FARS2: variants seen among roughly 807,000 people sequenced by gnomAD.
FARS2 encodes the protein phenylalanine--tRNA ligase, mitochondrial.
A neutral mutation model predicts 46.4 loss-of-function variants in FARS2; 40 were observed. The observed-to-expected ratio is 0.86, with a 90% CI of 0.67 to 1.12. FARS2 has a LOEUF of 1.12. Among genes scored for constraint, FARS2 ranks in the 50% most tolerant of loss-of-function variants. The probability of loss-of-function intolerance (pLI) is 0.00; values close to 1 mark genes in which losing one functional copy is unlikely to be tolerated. For missense variants in FARS2, 513 were observed against 567.9 expected, an observed-to-expected ratio of 0.90 and a Z score of 0.98; for synonymous variants, 234 against 214.9, an observed-to-expected ratio of 1.09 and a Z score of -0.78.
chr6:5,382,189 G>A (rs1225840375), intron 2 of FARS2, among the ~76,000 whole-genome samples: 4 of 152,222 alleles, frequency 2.6e-5, no homozygotes, highest in Admixed American at 6.5e-5. Context: ...GACAAGGAAC[G>A]ATTTCTCACC....
In FARS2 at chr6:5,281,534, T is replaced by C. The variant is rs1000855929; in HGVS notation, c.-22+19874T>C. On this transcript the variant is annotated intron_variant, in intron 1 of 6. Coordinates refer to ENST00000274680, the MANE Select transcript of FARS2 (RefSeq NM_006567.5). The stretch of plus-strand genomic sequence containing the variant: ...TTCAGTGGCATTAAGTACATTCACA[T>C]GCTTGAGGAAAACACCACCATCATC... 1.1e-4 allele frequency among the ~76,000 whole-genome samples: 16 copies of C among 152,302 alleles called. No individual in the cohort carries two copies. In the East Asian group the frequency reaches 3.1e-3, roughly 29 times the overall value.
intron 1 of FARS2, among the ~76,000 whole-genome samples, chr6:5,302,935 C>T (rs1437490503): frequency 1.3e-5 from 2 of 152,168 alleles, no homozygotes; most frequent in Non-Finnish European, 2.9e-5. Context: ...AGGGTGCCAG[C>T]TGCTGAGGAA....
intron 6 of FARS2, among the ~76,000 whole-genome samples, chr6:5,676,776 T>A (rs899006623): frequency 9.8e-5 from 15 of 152,342 alleles, no homozygotes; most frequent in African/African-American, 3.6e-4. Flanking sequence ...TGGTAGTCAA[T>A]CTCAAGTGTA....
At chr6:5,496,275 G>T (rs1767457478) in intron 4 of FARS2, among the ~76,000 whole-genome samples, 1 of 152,236 alleles carries the variant, frequency 6.6e-6, no homozygotes, top group South Asian at 2.1e-4. Context: ...TGTGTTTTTA[G>T]TTGATGACTC....
chr6:5,279,331 C>T (rs1766556213), intron 1 of FARS2, among the ~76,000 whole-genome samples: 1 of 141,024 alleles, frequency 7.1e-6, no homozygotes, highest in African/African-American at 2.7e-5. Flanking sequence ...GAGCCGATTG[C>T]ACCACTGCAC....
intron 3 of FARS2, among the ~76,000 whole-genome samples, chr6:5,405,480 CTT>C (rs398000284): frequency 0.025 from 1,450 of 58,774 alleles, 8 homozygotes; most frequent in South Asian, 0.072. Flanking sequence ...GAGCAAGGTT[CTT>C]TTTTTTTTTT....
chr6:5,462,132 T>G (rs546093142), intron 4 of FARS2, among the ~76,000 whole-genome samples: 10 of 152,368 alleles, frequency 6.6e-5, no homozygotes, highest in African/African-American at 2.4e-4. Context: ...AGTTTTACTT[T>G]ACATTTTCCT....
chr6:5,366,428 C>G (rs966515478), intron 1 of FARS2, among the ~76,000 whole-genome samples: 1 of 152,276 alleles, frequency 6.6e-6, no homozygotes, highest in Non-Finnish European at 1.5e-5. Flanking sequence ...TGGGAAGGCT[C>G]TCCTAGTCAT....
chr6:5,471,000 G>A (rs1765777679), intron 4 of FARS2, among the ~76,000 whole-genome samples: 1 of 152,106 alleles, frequency 6.6e-6, no homozygotes, highest in Non-Finnish European at 1.5e-5. Flanking sequence ...CTATTATCTG[G>A]TTCTCTTCCT....
intron 4 of FARS2, among the ~76,000 whole-genome samples, chr6:5,523,821 GTC>G (rs1205246575): frequency 6.6e-6 from 1 of 152,194 alleles, no homozygotes; most frequent in Non-Finnish European, 1.5e-5. Context: ...ATGATGGTTA[GTC>G]TCTAGGTCCC....
At chr6:5,691,017 C>G (rs1021810305) in intron 6 of FARS2, among the ~76,000 whole-genome samples, 5 of 152,216 alleles carry the variant, frequency 3.3e-5, no homozygotes, top group Admixed American at 2.6e-4. Flanking sequence ...GCATTCATCA[C>G]ATAGTTCTCG....
At chr6:5,348,147 A>C (rs900562954) in intron 1 of FARS2, among the ~76,000 whole-genome samples, 1 of 152,184 alleles carries the variant, frequency 6.6e-6, no homozygotes, top group African/African-American at 2.4e-5. Flanking sequence ...ATGTCTTTTG[A>C]GAAATGTAAG....
At chr6:5,740,176 G>A (rs987993969) in intron 6 of FARS2, among the ~76,000 whole-genome samples, 36 of 152,284 alleles carry the variant, frequency 2.4e-4, no homozygotes, top group Non-Finnish European at 1.3e-4. Flanking sequence ...GACACTGGAA[G>A]TCTAGAGTAT....
chr6:5,756,109 G>A (rs781120498), intron 6 of FARS2, among the ~76,000 whole-genome samples: 9 of 152,076 alleles, frequency 5.9e-5, no homozygotes, highest in Admixed American at 2.6e-4. Flanking sequence ...GGTTCATGTC[G>A]GCCAAAGCTT....
chr6:5,701,161 T>A (rs1232676997), intron 6 of FARS2, among the ~76,000 whole-genome samples: 1 of 152,216 alleles, frequency 6.6e-6, no homozygotes, highest in Non-Finnish European at 1.5e-5. Flanking sequence ...GCAGTCACCG[T>A]GGGCGCCAGC....
chr6:5,641,838 A>C (rs892791675), intron 6 of FARS2, among the ~76,000 whole-genome samples: 1 of 152,218 alleles, frequency 6.6e-6, no homozygotes, highest in Non-Finnish European at 1.5e-5. Context: ...TCTCAAGGCT[A>C]CTTCTTTAGA....
In FARS2 at chr6:5,545,241, C is replaced by T; in HGVS notation, c.966C>T (p.Ile322=). The T allele has an allele frequency of 1.2e-6, 2 of 1,614,044 alleles. No individual in the cohort carries two copies. The highest frequency in any genetic ancestry group is 1.7e-6 in the Non-Finnish European group (2 of 1,179,914). The change falls in exon 5 of 7, where the codon ATC becomes ATT. Residue 322 remains isoleucine (I), a synonymous_variant. Transcript: ENST00000274680. ...TAGGATTAGAAAGGCTAGCCATGAT[C>T]CTCTACGACATCCCTGATATCCGTC... ...FGLGLERLAM[I]LYDIPDIRLF...
intron 6 of FARS2, among the ~76,000 whole-genome samples, chr6:5,707,736 C>A (rs1377051773): frequency 6.6e-6 from 1 of 152,232 alleles, no homozygotes; most frequent in Non-Finnish European, 1.5e-5. Context: ...CAGTGTGGAG[C>A]AGCCACGTCC....
At chr6:5,512,071 T>C (rs1293315471) in intron 4 of FARS2, among the ~76,000 whole-genome samples, 1 of 152,224 alleles carries the variant, frequency 6.6e-6, no homozygotes. Context: ...TTTTTTGGCT[T>C]ACCCGCCCAG....
Sources: allele counts gnomAD v4.1 joint callset (sites outside exome capture counted in the v4.1 genomes callset), GRCh38; gene constraint gnomAD v4.1.1; transcripts MANE v1.5; gene names NCBI Gene and HGNC (gene_info 2026-07-23, HGNC 2026-07-21).